Variants in HSDL1 observed in about 807,000 individuals in gnomAD.
The protein encoded by HSDL1 is hydroxysteroid dehydrogenase like 1.
HSDL1 carries 29 observed loss-of-function variants against 31.5 expected under a neutral mutation model. That is an observed-to-expected ratio of 0.92 (90% CI 0.69 to 1.26). The LOEUF is 1.26. Ranked by LOEUF, HSDL1 falls within the 50% of genes most tolerant of loss-of-function variation. The pLI is 0.00. For synonymous variants in HSDL1, 222 were observed against 155.2 expected (o/e 1.43, Z -3.20); for missense variants, 503 against 416.6 (o/e 1.21, Z -1.81).
chr16:84,132,513 G>C (rs567075850), intron 2 of HSDL1, among the ~76,000 whole-genome samples: 22 of 152,288 alleles, frequency 1.4e-4, no homozygotes, highest in South Asian at 6.2e-4. Flanking sequence ...TTTGAGGAAA[G>C]AAAAGTCCAA....
At chr16:84,136,784 A>G (rs1231339038) in intron 1 of HSDL1, among the ~76,000 whole-genome samples, 2 of 152,232 alleles carry the variant, frequency 1.3e-5, no homozygotes, top group Admixed American at 6.5e-5. Context: ...GTTGCTATGT[A>G]TATTTTAAAA....
chr16:84,144,149 G>C (rs1307879277), intron 1 of HSDL1: 1 of 150,834 alleles, frequency 6.6e-6, no homozygotes, highest in Non-Finnish European at 1.5e-5. Flanking sequence ...ACTCTGCTAA[G>C]TGCTTTATTC....
At chr16:84,140,216 A>T (rs1277374857) in intron 1 of HSDL1, among the ~76,000 whole-genome samples, 1 of 152,226 alleles carries the variant, frequency 6.6e-6, no homozygotes, top group African/African-American at 2.4e-5. Flanking sequence ...AGGAGAGCAC[A>T]GGCCTCTGGA....
At chr16:84,144,533 G>C (rs191955264) in intron 1 of HSDL1, 169 of 152,440 alleles carry the variant, frequency 1.1e-3, no homozygotes, top group African/African-American at 3.9e-3. Context: ...AGCAAACTCG[G>C]AAATCCTGGC....
In HSDL1 at chr16:84,123,261, T is replaced by C. The variant is rs186299108; in HGVS notation, c.*1369A>G. ...AAACTGTGCTTAGGTCTGCTTATGA[T>C]AGATTATCACGTCACGAAAAAAATG... On this transcript the variant is annotated 3_prime_UTR_variant, in exon 6 of 6. Transcript: ENST00000219439. 2.0e-5 allele frequency: 3 copies of C among 152,346 alleles called. No homozygotes were observed. The highest frequency in any genetic ancestry group is 1.9e-4 in the East Asian group (1 of 5,194). The allele number at this position is 152,346 out of a possible 1,614,324, so 9.4% of individuals were successfully genotyped here. A position where few individuals can be genotyped will look rare whatever the true frequency, so the allele number is the denominator to read the frequency against.
chr16:84,127,036 T>A (rs1196098634), intron 5 of HSDL1, among the ~76,000 whole-genome samples: 1 of 152,176 alleles, frequency 6.6e-6, no homozygotes, highest in South Asian at 2.1e-4. Flanking sequence ...AGTAAACTGT[T>A]CGTGTTTTAT....
At chr16:84,138,545 A>C (rs1219147117) in intron 1 of HSDL1, among the ~76,000 whole-genome samples, 3 of 152,248 alleles carry the variant, frequency 2.0e-5, no homozygotes, top group Non-Finnish European at 4.4e-5. Flanking sequence ...CATTTCACAA[A>C]GTATACATAT....
chr16:84,130,937 T>G, intron 3 of HSDL1, 165 bp downstream of exon 3: 2 of 632,060 alleles, frequency 3.2e-6, no homozygotes, highest in South Asian at 4.0e-5. Context: ...CTTCCTAAGA[T>G]GAGAGCAGTA....
At position 84,145,122 on chromosome 16, in the gene HSDL1, G is replaced by C. The variant is rs544972747; in HGVS notation, c.-111C>G. ...CTTCCAAACCGGTCCCGCCAGACCC[G>C]CGCGGCCGCCGCCCCCGTCTCGGCC... On this transcript the variant is annotated 5_prime_UTR_variant, in exon 1 of 6. Transcript: ENST00000219439. The C allele has an allele frequency of 3.1e-3, 556 of 181,142 alleles. 4 individuals are homozygous for C. The highest frequency in any genetic ancestry group is 0.012 in the African/African-American group (523 of 42,222). 11.2% of individuals were successfully genotyped at this position (181,142 alleles called of 1,614,324 possible).
intron 5 of HSDL1, among the ~76,000 whole-genome samples, chr16:84,127,946 C>A (rs1288497069): frequency 6.6e-6 from 1 of 150,478 alleles, no homozygotes; most frequent in Non-Finnish European, 1.5e-5. Flanking sequence ...GTCTCGATCT[C>A]CTGACCTCGT....
chr16:84,126,587 A>G (rs2086608925), intron 5 of HSDL1, among the ~76,000 whole-genome samples: 1 of 152,226 alleles, frequency 6.6e-6, no homozygotes, highest in Non-Finnish European at 1.5e-5. Context: ...AAGTTCTAAC[A>G]CCGTGTATAC....
At chr16:84,128,692 C>T (rs1014211046) in intron 5 of HSDL1, among the ~76,000 whole-genome samples, 1 of 151,832 alleles carries the variant, frequency 6.6e-6, no homozygotes, top group African/African-American at 2.4e-5. Context: ...TCCTAACATC[C>T]ACTTACAGCA....
In HSDL1 at chr16:84,126,406, A is replaced by C; in HGVS notation, c.895-1678T>G. On this transcript the variant is annotated intron_variant, in intron 5 of 5. Coordinates refer to ENST00000219439, the MANE Select transcript of HSDL1 (RefSeq NM_031463.5). ...GTCTGAAAACAAATTTGGTCGTCAC[A>C]CTGGGAGTGGATGCTACTGGTATCT... 1.3e-5 allele frequency among the ~76,000 whole-genome samples: 2 copies of C among 152,220 alleles called. 1 individual carries two copies. The highest frequency in any genetic ancestry group is 1.3e-4 in the Admixed American group (2 of 15,282).
intron 3 of HSDL1, 52 bp from the exon 4 acceptor site, chr16:84,130,483 T>A: frequency 2.7e-6 from 4 of 1,459,234 alleles, no homozygotes; most frequent in Non-Finnish European, 2.8e-6. Context: ...GTGTGACCCT[T>A]AAAATGGACC....
Position 84,123,113 on chromosome 16 carries a change from C to A in HSDL1, c.*1517G>T, listed in dbSNP as rs1384662856. 1 of 151,852 alleles carries A rather than the reference C, an allele frequency of 6.6e-6. No individual in the cohort carries two copies. Among genetic ancestry groups the A allele is most frequent in the Non-Finnish European group, 1.5e-5 (1 of 67,938 alleles). 9.4% of individuals were successfully genotyped at this position (151,852 alleles called of 1,614,324 possible). On this transcript the variant is annotated 3_prime_UTR_variant, in exon 6 of 6. Coordinates refer to ENST00000219439, the MANE Select transcript of HSDL1 (RefSeq NM_031463.5). ...GCATCTCCCAGTGTGTAGATTTTCA[C>A]ATCTAAGTTCTGAAGACATGATCTA... is the stretch of plus-strand genomic sequence containing the variant.
intron 1 of HSDL1, among the ~76,000 whole-genome samples, chr16:84,136,780 A>G (rs1057119491): frequency 6.6e-6 from 1 of 152,222 alleles, no homozygotes; most frequent in Non-Finnish European, 1.5e-5. Context: ...TATTGTTGCT[A>G]TGTATATTTT....
At chr16:84,131,913 T>G (rs2086673068) in intron 2 of HSDL1, among the ~76,000 whole-genome samples, 1 of 152,176 alleles carries the variant, frequency 6.6e-6, no homozygotes, top group South Asian at 2.1e-4. Flanking sequence ...ACTCCTGACC[T>G]CAGGTGATCC....
At chr16:84,142,416 G>A (rs1372214573) in intron 1 of HSDL1, among the ~76,000 whole-genome samples, 1 of 150,222 alleles carries the variant, frequency 6.7e-6, no homozygotes, top group Non-Finnish European at 1.5e-5. Flanking sequence ...GTGTGAGGCT[G>A]GGATCTCACA....
chr16:84,133,181 C>T (rs951079885), intron 2 of HSDL1, among the ~76,000 whole-genome samples: 20 of 151,864 alleles, frequency 1.3e-4, no homozygotes, highest in African/African-American at 4.3e-4. Context: ...AGAATGGCAC[C>T]ATATTGTGAT....
Sources: allele counts gnomAD v4.1 joint callset (sites outside exome capture counted in the v4.1 genomes callset), GRCh38; gene constraint gnomAD v4.1.1; transcripts MANE v1.5; gene names NCBI Gene and HGNC (gene_info 2026-07-23, HGNC 2026-07-21).